The following CNTNAP5 variants were observed in gnomAD, a reference collection of about 807,000 sequenced individuals.
CNTNAP5 encodes the protein contactin associated protein family member 5.
In CNTNAP5, 72 loss-of-function variants were observed where a neutral mutation model predicts 150.2. That is an observed-to-expected ratio of 0.48 (90% confidence interval 0.40 to 0.58). The LOEUF (loss-of-function observed/expected upper bound fraction) is 0.58, where lower values mean the gene tolerates loss of function less well. Among genes scored for constraint, CNTNAP5 ranks in the 20% least tolerant of loss-of-function variants. The probability of loss-of-function intolerance (pLI) is 0.00; values close to 1 mark genes in which losing one functional copy is unlikely to be tolerated. For synonymous variants in CNTNAP5, 672 were observed against 619.8 expected, an observed-to-expected ratio of 1.08 and a Z score of -1.25; for missense variants, 1,636 against 1,626.2, an observed-to-expected ratio of 1.01 and a Z score of -0.10.
chr2:124,743,418 C>A (rs1680539219), intron 13 of CNTNAP5, among the ~76,000 whole-genome samples: 2 of 152,106 alleles, frequency 1.3e-5, no homozygotes, highest in African/African-American at 4.8e-5. Flanking sequence ...GCAACTTGTG[C>A]TTTACCCATC....
At chr2:124,102,146 A>G (rs927401358) in intron 1 of CNTNAP5, among the ~76,000 whole-genome samples, 3 of 152,178 alleles carry the variant, frequency 2.0e-5, no homozygotes, top group African/African-American at 7.2e-5. Flanking sequence ...TTAAATATTA[A>G]AGAAGTAAAA....
At chr2:124,322,634 G>T (rs1180298098) in intron 3 of CNTNAP5, among the ~76,000 whole-genome samples, 1 of 152,196 alleles carries the variant, frequency 6.6e-6, no homozygotes, top group East Asian at 1.9e-4. Context: ...ATTTAGTAGA[G>T]CTGTTCTGTC....
intron 12 of CNTNAP5, among the ~76,000 whole-genome samples, chr2:124,621,693 C>T (rs892651043): frequency 4.6e-5 from 7 of 152,132 alleles, no homozygotes; most frequent in Admixed American, 4.6e-4. Flanking sequence ...GAAGTTAGAG[C>T]GATGTCAGTG....
At chr2:124,770,493 A>G (rs1222417719) in intron 16 of CNTNAP5, among the ~76,000 whole-genome samples, 2 of 152,200 alleles carry the variant, frequency 1.3e-5, no homozygotes, top group Non-Finnish European at 2.9e-5. Context: ...AAAATCTTTA[A>G]CATTCCTCAC....
At chr2:124,793,422 G>A (rs907815609) in intron 18 of CNTNAP5, among the ~76,000 whole-genome samples, 1 of 151,854 alleles carries the variant, frequency 6.6e-6, no homozygotes, top group African/African-American at 2.4e-5. Context: ...CGTATGTTTG[G>A]AATATAATTC....
chr2:124,248,150 T>G (rs1224444796), intron 3 of CNTNAP5, among the ~76,000 whole-genome samples: 1 of 152,174 alleles, frequency 6.6e-6, no homozygotes. Flanking sequence ...GATTACGATC[T>G]GATTACAGTT....
At chr2:124,788,560 G>T (rs925823381) in intron 17 of CNTNAP5, among the ~76,000 whole-genome samples, 1 of 150,806 alleles carries the variant, frequency 6.6e-6, no homozygotes, top group African/African-American at 2.4e-5. Context: ...AACAGGTATT[G>T]TATTCTATGT....
intron 3 of CNTNAP5, among the ~76,000 whole-genome samples, chr2:124,411,532 G>A (rs952479685): frequency 6.8e-6 from 1 of 146,916 alleles, no homozygotes; most frequent in African/African-American, 2.5e-5. Context: ...TATCCACCAT[G>A]ATCAAGTGGG....
chr2:124,059,620 T>A (rs4848912), intron 1 of CNTNAP5, among the ~76,000 whole-genome samples: 15,532 of 149,092 alleles, frequency 0.1, 912 homozygotes, highest in East Asian at 0.3. Context: ...CTTTTTTTTT[T>A]AAATTGATTT....
chr2:124,198,137 C>A (rs1249546161), intron 1 of CNTNAP5, among the ~76,000 whole-genome samples: 1 of 151,682 alleles, frequency 6.6e-6, no homozygotes, highest in Non-Finnish European at 1.5e-5. Flanking sequence ...TAATTTTTAT[C>A]TGTCTAAGTA....
At chr2:124,398,323 C>T (rs552678999) in intron 3 of CNTNAP5, among the ~76,000 whole-genome samples, 4 of 152,160 alleles carry the variant, frequency 2.6e-5, no homozygotes, top group Admixed American at 6.6e-5. Flanking sequence ...TGGGGAAAAA[C>T]AGAGCTGAGA....
intron 1 of CNTNAP5, among the ~76,000 whole-genome samples, chr2:124,031,617 G>C (rs1250694613): frequency 6.6e-6 from 1 of 152,054 alleles, no homozygotes; most frequent in Non-Finnish European, 1.5e-5. Context: ...GTATCACATG[G>C]CCATTTGTTC....
intron 8 of CNTNAP5, among the ~76,000 whole-genome samples, chr2:124,519,790 T>C (rs1204356323): frequency 2.6e-5 from 4 of 152,206 alleles, no homozygotes; most frequent in African/African-American, 4.8e-5. Flanking sequence ...GTCATTCTTT[T>C]TTTCTCTATG....
chr2:124,392,971 T>G (rs1691159293), intron 3 of CNTNAP5, among the ~76,000 whole-genome samples: 1 of 152,222 alleles, frequency 6.6e-6, no homozygotes, highest in African/African-American at 2.4e-5. Flanking sequence ...CAAAGTTGTT[T>G]AGCTTTTTAG....
At chr2:124,208,141 G>A (rs896407721) in intron 1 of CNTNAP5, among the ~76,000 whole-genome samples, 1 of 152,060 alleles carries the variant, frequency 6.6e-6, no homozygotes, top group South Asian at 2.1e-4. Context: ...TGAATACCTG[G>A]TAGGTCATTT....
At chr2:124,239,448 C>T (rs1686831276) in intron 2 of CNTNAP5, among the ~76,000 whole-genome samples, 1 of 152,090 alleles carries the variant, frequency 6.6e-6, no homozygotes, top group African/African-American at 2.4e-5. Flanking sequence ...GTCACAGAAA[C>T]AGCAAAAGTC....
chr2:124,252,141 T>C (rs558231570), intron 3 of CNTNAP5, among the ~76,000 whole-genome samples: 2 of 152,316 alleles, frequency 1.3e-5, no homozygotes, highest in South Asian at 2.1e-4. Context: ...AAGGCTTATG[T>C]TGTGTTTCAG....
chr2:124,265,622 G>A (rs758956942), intron 3 of CNTNAP5, among the ~76,000 whole-genome samples: 1 of 152,120 alleles, frequency 6.6e-6, no homozygotes, highest in Non-Finnish European at 1.5e-5. Flanking sequence ...AGTTACGGAA[G>A]AGAGAAGGCC....
intron 7 of CNTNAP5, among the ~76,000 whole-genome samples, chr2:124,498,403 G>A (rs1694201020): frequency 6.6e-6 from 1 of 152,110 alleles, no homozygotes; most frequent in Admixed American, 6.6e-5. Flanking sequence ...GGGAGGGAAG[G>A]GGAAAGCATA....
Sources: gnomAD v4.1 joint callset for allele counts (sites outside exome capture counted in the v4.1 genomes callset) on GRCh38, gnomAD v4.1.1 for gene constraint, MANE v1.5 for transcripts, NCBI Gene and HGNC (gene_info 2026-07-23, HGNC 2026-07-21) for gene names.